LSAMP: variants seen among roughly 807,000 people sequenced by gnomAD.
LSAMP encodes the protein limbic system associated membrane protein.
A neutral mutation model predicts 38.6 loss-of-function variants in LSAMP; 7 were observed. The ratio of observed to expected loss-of-function variants is 0.18; its 90% confidence interval spans 0.10 to 0.34. LSAMP has a LOEUF of 0.34. Ranked by LOEUF, LSAMP falls within the 10% of genes least tolerant of loss-of-function variation. The pLI is 1.00. For missense variants in LSAMP, 313 were observed against 420.0 expected (o/e 0.75, Z 2.23); for synonymous variants, 154 against 166.8 (o/e 0.92, Z 0.59).
intron 1 of LSAMP, among the ~76,000 whole-genome samples, chr3:116,333,314 G>C (rs1243106761): frequency 6.6e-6 from 1 of 152,060 alleles, no homozygotes; most frequent in Non-Finnish European, 1.5e-5. Flanking sequence ...ACTGAGGCAG[G>C]TGGATCATGA....
intron 1 of LSAMP, among the ~76,000 whole-genome samples, chr3:116,435,185 A>T (rs1379340796): frequency 6.6e-6 from 1 of 152,166 alleles, no homozygotes; most frequent in Non-Finnish European, 1.5e-5. Flanking sequence ...TCCCTGGGTT[A>T]CTATAGCTTT....
chr3:116,238,781 A>G (rs2046496100), intron 1 of LSAMP, among the ~76,000 whole-genome samples: 1 of 152,186 alleles, frequency 6.6e-6, no homozygotes, highest in Non-Finnish European at 1.5e-5. Flanking sequence ...AAAGCATTCC[A>G]TATGGATTGG....
intron 2 of LSAMP, among the ~76,000 whole-genome samples, chr3:116,045,968 G>A (rs1941280346): frequency 6.6e-6 from 1 of 152,116 alleles, no homozygotes; most frequent in Non-Finnish European, 1.5e-5. Flanking sequence ...CCTAACCTTG[G>A]AATAGAAAGT....
chr3:116,029,378 G>T (rs1940866407), intron 2 of LSAMP, among the ~76,000 whole-genome samples: 1 of 152,074 alleles, frequency 6.6e-6, no homozygotes, highest in Non-Finnish European at 1.5e-5. Context: ...AAAAAATACA[G>T]AAACTATAGC....
At chr3:116,178,228 ACAAT>A (rs1253120514) in intron 1 of LSAMP, among the ~76,000 whole-genome samples, 1 of 152,076 alleles carries the variant, frequency 6.6e-6, no homozygotes, top group Non-Finnish European at 1.5e-5. Flanking sequence ...GTGTAATGGC[ACAAT>A]CTCAGCTTAC....
intron 1 of LSAMP, among the ~76,000 whole-genome samples, chr3:116,220,992 A>C (rs1475031112): frequency 6.6e-6 from 1 of 151,948 alleles, no homozygotes; most frequent in East Asian, 1.9e-4. Context: ...ATCTCTACTA[A>C]AAATACAAAA....
chr3:116,268,696 T>A, intron 1 of LSAMP, among the ~76,000 whole-genome samples: 2 of 248 alleles, frequency 8.1e-3, no homozygotes, highest in Non-Finnish European at 0.036. Flanking sequence ...TTTTTCTATT[T>A]TTCTTTCTTT....
chr3:115,839,333 T>G (rs956586151), intron 6 of LSAMP, among the ~76,000 whole-genome samples: 1 of 145,926 alleles, frequency 6.9e-6, no homozygotes, highest in East Asian at 2.1e-4. Flanking sequence ...TTCCTTGCTT[T>G]TATCTCCCTC....
intron 3 of LSAMP, among the ~76,000 whole-genome samples, chr3:115,897,777 A>T (rs1936765904): frequency 6.6e-6 from 1 of 152,076 alleles, no homozygotes; most frequent in Non-Finnish European, 1.5e-5. Context: ...AAAGATGAGC[A>T]CTGACTCACT....
intron 1 of LSAMP, among the ~76,000 whole-genome samples, chr3:116,294,939 C>T (rs2047310948): frequency 1.5e-5 from 2 of 135,122 alleles, no homozygotes; most frequent in African/African-American, 3.7e-5. Context: ...ATAGCAACTG[C>T]ATAGTTCTTA....
chr3:116,211,396 C>T (rs1409365958), intron 1 of LSAMP, among the ~76,000 whole-genome samples: 2 of 152,152 alleles, frequency 1.3e-5, no homozygotes, highest in African/African-American at 4.8e-5. Flanking sequence ...TGTTAATTAG[C>T]ACAATTTAGC....
intron 6 of LSAMP, among the ~76,000 whole-genome samples, chr3:115,835,368 G>C (rs911014172): frequency 2.6e-5 from 4 of 152,158 alleles, no homozygotes; most frequent in African/African-American, 4.8e-5. Context: ...ACTGACCATA[G>C]ATAGAATGTA....
At chr3:116,000,895 CT>C (rs1369043405) in intron 3 of LSAMP, among the ~76,000 whole-genome samples, 1 of 152,138 alleles carries the variant, frequency 6.6e-6, no homozygotes, top group Non-Finnish European at 1.5e-5. Context: ...ATGGGACCTC[CT>C]TTTATCTCTC....
At chr3:115,865,306 C>A (rs189692575) in intron 3 of LSAMP, among the ~76,000 whole-genome samples, 101 of 152,278 alleles carry the variant, frequency 6.6e-4, no homozygotes, top group African/African-American at 2.3e-3. Context: ...AAAATTACCC[C>A]TTTGAACACA....
intron 1 of LSAMP, among the ~76,000 whole-genome samples, chr3:116,209,033 T>C (rs2046112876): frequency 6.6e-6 from 1 of 152,276 alleles, no homozygotes; most frequent in African/African-American, 2.4e-5. Context: ...CTCAGACTGC[T>C]ATGCTAGCAA....
intron 1 of LSAMP, among the ~76,000 whole-genome samples, chr3:116,411,986 C>G (rs1417777562): frequency 6.6e-6 from 1 of 151,952 alleles, no homozygotes; most frequent in African/African-American, 2.4e-5. Flanking sequence ...AACCACTCAC[C>G]AGATGCTGGT....
At chr3:116,202,594 G>C (rs1455066757) in intron 1 of LSAMP, among the ~76,000 whole-genome samples, 1 of 152,000 alleles carries the variant, frequency 6.6e-6, no homozygotes, top group Non-Finnish European at 1.5e-5. Flanking sequence ...ACAGATGTGA[G>C]CCACCACACA....
chr3:116,298,658 A>G (rs1398511135), intron 1 of LSAMP, among the ~76,000 whole-genome samples: 2 of 152,326 alleles, frequency 1.3e-5, no homozygotes, highest in Admixed American at 6.5e-5. Flanking sequence ...AGTATGTTAT[A>G]TATGTTTTGA....
intron 2 of LSAMP, among the ~76,000 whole-genome samples, chr3:116,055,297 C>T (rs988494361): frequency 5.3e-5 from 8 of 152,084 alleles, no homozygotes; most frequent in East Asian, 1.9e-4. Flanking sequence ...CTAGGGATAC[C>T]GTGATAGTAA....
Sources: allele counts gnomAD v4.1 joint callset (sites outside exome capture counted in the v4.1 genomes callset), GRCh38; gene constraint gnomAD v4.1.1; transcripts MANE v1.5; gene names NCBI Gene and HGNC (gene_info 2026-07-23, HGNC 2026-07-21).